Variants in EBF4 observed in about 807,000 individuals in gnomAD.
The protein encoded by EBF4 is EBF transcription factor 4, also known as transcription factor COE4.
A neutral mutation model predicts 67.1 loss-of-function variants in EBF4; 34 were observed. The ratio of observed to expected loss-of-function variants is 0.51; its 90% CI spans 0.39 to 0.67. The LOEUF (loss-of-function observed/expected upper bound fraction) is 0.67, where lower values mean the gene tolerates loss of function less well. EBF4 is among the 30% of genes least tolerant of loss of function. The pLI, the probability that EBF4 is intolerant of heterozygous loss-of-function variation, is 0.00. For missense variants in EBF4, 837 were observed against 873.3 expected (o/e 0.96, Z 0.52); for synonymous variants, 387 against 377.7 (o/e 1.02, Z -0.29).
chr20:2,699,557 CTG>C (rs1489183855), intron 1 of EBF4, among the ~76,000 whole-genome samples: 6 of 152,194 alleles, frequency 3.9e-5, no homozygotes, highest in African/African-American at 1.4e-4. Flanking sequence ...TCAGGACACT[CTG>C]GAGTTGAGAA....
intron 6 of EBF4, among the ~76,000 whole-genome samples, chr20:2,732,088 T>C (rs1054197845): frequency 6.6e-6 from 1 of 152,162 alleles, no homozygotes; most frequent in African/African-American, 2.4e-5. Context: ...GGAGCTGTTA[T>C]TAGATACATG....
intron 1 of EBF4, among the ~76,000 whole-genome samples, chr20:2,695,332 C>A (rs2087273152): frequency 4.6e-5 from 7 of 152,140 alleles, no homozygotes; most frequent in Admixed American, 4.6e-4. Flanking sequence ...GTGAAGGAGG[C>A]AGTGCCCTTG....
chr20:2,746,720 A>C (rs1362542117), intron 6 of EBF4, among the ~76,000 whole-genome samples: 1 of 152,240 alleles, frequency 6.6e-6, no homozygotes. Context: ...GTAGTACATG[A>C]GTAACTATAC....
chr20:2,712,568 A>G (rs1226660605), intron 6 of EBF4, among the ~76,000 whole-genome samples: 1 of 152,232 alleles, frequency 6.6e-6, no homozygotes, highest in Admixed American at 6.5e-5. Flanking sequence ...CTCACTAAAC[A>G]TCCAAGTGAG....
rs529291899 is a variant in EBF4, at chr20:2,700,987, G to A, written c.138-4590G>A. On this transcript the variant is annotated intron_variant, in intron 1 of 16. Coordinates refer to ENST00000609451, the Ensembl canonical transcript of EBF4. ...GGCAGGGCTATGAACAGGGTGAGCCGGAGACATTCCCAGGCAAGGGGCAGC... is the reference window on the plus strand; with the variant it reads ...GGCAGGGCTATGAACAGGGTGAGCCAGAGACATTCCCAGGCAAGGGGCAGC... Among the ~76,000 whole-genome samples the A allele has an allele frequency of 1.5e-4, 23 of 152,320 alleles. No individual in the cohort carries two copies. The South Asian group carries it at 4.1e-3, about 27-fold the overall frequency.
At position 2,735,865 on chromosome 20, in the gene EBF4, G is replaced by T. The variant is rs371833420; in HGVS notation, c.558-12684G>T. Among the ~76,000 whole-genome samples, 274 of 152,020 alleles carry T rather than the reference G, an allele frequency of 1.8e-3. 5 individuals are homozygous for T. The South Asian group carries it at 0.025, about 14-fold the overall frequency. On this transcript the variant is annotated intron_variant, in intron 6 of 16. Coordinates refer to ENST00000609451, the Ensembl canonical transcript of EBF4. ...AAAAAAATTCGTGTACTTGAAGAAAGGTCAGTAGAGATTATCTATAATTAC... is the reference window on the plus strand; with the variant it reads ...AAAAAAATTCGTGTACTTGAAGAAATGTCAGTAGAGATTATCTATAATTAC...
At chr20:2,697,018 C>T (rs2087298845) in intron 1 of EBF4, among the ~76,000 whole-genome samples, 2 of 152,186 alleles carry the variant, frequency 1.3e-5, no homozygotes, top group African/African-American at 4.8e-5. Flanking sequence ...TAATGTTTCT[C>T]AGAGGCTCCC....
intron 7 of EBF4, 46 bp from the exon 8 acceptor site, chr20:2,749,355 G>A (rs2088101195): frequency 1.4e-6 from 2 of 1,441,968 alleles, no homozygotes. Context: ...CCCCTCCCGG[G>A]AGCCCCCGAG....
intron 6 of EBF4, among the ~76,000 whole-genome samples, chr20:2,729,550 A>G (rs1482806553): frequency 1.3e-5 from 2 of 152,100 alleles, no homozygotes; most frequent in East Asian, 3.9e-4. Flanking sequence ...GACACACCCC[A>G]CACTTCCTCC....
intron 6 of EBF4, among the ~76,000 whole-genome samples, chr20:2,727,181 CAT>C (rs1568576574): frequency 6.6e-6 from 1 of 151,802 alleles, no homozygotes; most frequent in Non-Finnish European, 1.5e-5. Context: ...ATGTTTATAA[CAT>C]GTATATATAT....
chr20:2,706,336 G>A (rs369248294), intron 4 of EBF4, 72 bp downstream of exon 4: 14 of 1,522,956 alleles, frequency 9.2e-6, no homozygotes, highest in Middle Eastern at 1.7e-4. Flanking sequence ...TGGTCTGAGT[G>A]AGCCTCCTTG....
At chr20:2,736,994 A>C (rs1279877313) in intron 6 of EBF4, among the ~76,000 whole-genome samples, 7 of 152,216 alleles carry the variant, frequency 4.6e-5, no homozygotes, top group Admixed American at 1.3e-4. Context: ...TCACGCTTGT[A>C]ATCCCAGCAC....
chr20:2,718,454 C>T (rs1449553159), intron 6 of EBF4, among the ~76,000 whole-genome samples: 1 of 152,166 alleles, frequency 6.6e-6, no homozygotes, highest in Non-Finnish European at 1.5e-5. Flanking sequence ...TAACTGTAAT[C>T]TCAATTTCTC....
At chr20:2,738,552 C>T (rs1437676012) in intron 6 of EBF4, among the ~76,000 whole-genome samples, 1 of 152,194 alleles carries the variant, frequency 6.6e-6, no homozygotes, top group Non-Finnish European at 1.5e-5. Context: ...CCTGCCGCTG[C>T]ATGTGGCATG....
At chr20:2,752,610 C>T in intron 14 of EBF4, 65 bp downstream of exon 14, 1 of 1,178,790 alleles carries the variant, frequency 8.5e-7, no homozygotes, top group Non-Finnish European at 1.1e-6. Flanking sequence ...TCAGCCCCGC[C>T]CCCGCCCATC....
chr20:2,712,375 C>T (rs1418665457), intron 6 of EBF4, among the ~76,000 whole-genome samples: 1 of 152,050 alleles, frequency 6.6e-6, no homozygotes, highest in African/African-American at 2.4e-5. Flanking sequence ...ATTTCATAGG[C>T]AGGACTGACA....
chr20:2,756,638 A>C lies in EBF4; in HGVS notation c.1738+814A>C, dbSNP rs1212303601. On this transcript the variant is annotated intron_variant, in intron 15 of 16. Coordinates refer to ENST00000609451, the Ensembl canonical transcript of EBF4. The surrounding 1 kb of genome is among the most constrained non-coding windows in gnomAD (Gnocchi z 4.5). ...CAATCTGGCATGCAGCAGGTGTTTA[A>C]TAAATAGTCAAATTATTGAATGAAT... Among the ~76,000 whole-genome samples, 2 of 152,330 alleles carry C rather than the reference A, an allele frequency of 1.3e-5. No homozygotes were observed. Among genetic ancestry groups the C allele is most frequent in the Admixed American group, 1.3e-4 (2 of 15,310 alleles).
intron 1 of EBF4, among the ~76,000 whole-genome samples, chr20:2,703,062 C>T (rs934993784): frequency 1.3e-5 from 2 of 151,422 alleles, no homozygotes; most frequent in Admixed American, 6.6e-5. Flanking sequence ...AAAGCTGGAG[C>T]CCAGAAGTTC....
At chr20:2,736,193 C>T (rs925524803) in intron 6 of EBF4, among the ~76,000 whole-genome samples, 3 of 152,082 alleles carry the variant, frequency 2.0e-5, no homozygotes, top group Non-Finnish European at 4.4e-5. Context: ...AACATACCCT[C>T]CCATGGGAGG....
Sources: gnomAD v4.1 joint callset for allele counts (sites outside exome capture counted in the v4.1 genomes callset) on GRCh38, gnomAD v4.1.1 for gene constraint, Gnocchi (gnomAD v3.1) non-coding constraint, MANE v1.5 for transcripts, NCBI Gene and HGNC (gene_info 2026-07-23, HGNC 2026-07-21) for gene names.